Variants in KRABD3 observed in about 807,000 individuals in gnomAD.
KRABD3 encodes the protein KRAB domain-containing protein 3.
chr7:149,719,853 C>T, the KRABD3 span, among the ~76,000 whole-genome samples: 1 of 152,064 alleles, frequency 6.6e-6, no homozygotes. The surrounding 1 kb of genome is among the most constrained non-coding windows in gnomAD (Gnocchi z 5.6). Flanking sequence ...TGGGGGTATG[C>T]GGCGGCCTCT....
At chr7:149,733,961 A>T in the KRABD3 span, 1 of 1,605,024 alleles carries the variant, frequency 6.2e-7, no homozygotes, top group Non-Finnish European at 8.5e-7. Context: ...CAAGGAGCCG[A>T]GCAGCCTGCT....
chr7:149,728,726 G>T, the KRABD3 span: 4 of 1,579,274 alleles, frequency 2.5e-6, no homozygotes, highest in South Asian at 3.4e-5. Flanking sequence ...CTCTGAGGAT[G>T]CCCTAGGCGC....
the KRABD3 span, chr7:149,722,400 C>T: frequency 2.2e-5 from 35 of 1,591,940 alleles, no homozygotes; most frequent in Non-Finnish European, 2.8e-5. Flanking sequence ...TAGAAAGGCC[C>T]TCTTGTCTTC....
At chr7:149,717,827 A>G in the KRABD3 span, among the ~76,000 whole-genome samples, 2 of 152,016 alleles carry the variant, frequency 1.3e-5, no homozygotes, top group African/African-American at 4.8e-5. Context: ...TGGCAGGGAC[A>G]GTTTTTTGTT....
At chr7:149,733,710 C>T in the KRABD3 span, 1 of 1,581,950 alleles carries the variant, frequency 6.3e-7, no homozygotes, top group Admixed American at 1.8e-5. Context: ...CCAGACGCTC[C>T]CCCGGCAGAA....
At chr7:149,722,567 T>C in the KRABD3 span, 17 of 1,398,562 alleles carry the variant, frequency 1.2e-5, no homozygotes, top group Admixed American at 3.2e-4. Flanking sequence ...AGAGGCGGGC[T>C]TTCCTTAGTG....
chr7:149,733,221 G>A, the KRABD3 span: 26 of 1,604,956 alleles, frequency 1.6e-5, no homozygotes, highest in African/African-American at 2.3e-4. Context: ...ACCCATGAGA[G>A]GCTGCTCCCC....
chr7:149,733,255 T>C, the KRABD3 span: 1 of 1,611,944 alleles, frequency 6.2e-7, no homozygotes, highest in Non-Finnish European at 8.5e-7. Context: ...AGCTGCCCAG[T>C]GAGTCTCCCC....
At chr7:149,724,576 C>G in the KRABD3 span, 1 of 1,142,546 alleles carries the variant, frequency 8.8e-7, no homozygotes, top group Non-Finnish European at 1.2e-6. Context: ...CCCTCCTAAC[C>G]CTATAAAGGC....
the KRABD3 span, chr7:149,720,727 C>T: frequency 8.6e-7 from 1 of 1,166,012 alleles, no homozygotes; most frequent in Non-Finnish European, 1.2e-6. Context: ...GGCTGCTCCT[C>T]ATGTGGCTGG....
chr7:149,730,226 C>T, the KRABD3 span: 145 of 1,569,824 alleles, frequency 9.2e-5, 3 homozygotes, highest in South Asian at 1.1e-3. Flanking sequence ...CCTTGCGCTT[C>T]GCCTGCGTGG....
At chr7:149,723,985 G>A in the KRABD3 span, 30 of 1,357,526 alleles carry the variant, frequency 2.2e-5, no homozygotes, top group Non-Finnish European at 3.0e-5. Flanking sequence ...AAACACTCAG[G>A]CCCCCATATT....
the KRABD3 span, chr7:149,730,042 G>T: frequency 7.1e-7 from 1 of 1,399,326 alleles, no homozygotes. Context: ...CATGCTGATC[G>T]TGGGCTGAGC....
the KRABD3 span, chr7:149,719,731 C>A: frequency 6.4e-7 from 1 of 1,552,564 alleles, no homozygotes; most frequent in Non-Finnish European, 8.7e-7. This position sits in a 1 kb window ranked among gnomAD's most constrained non-coding sequence, Gnocchi z 5.6. Context: ...GGAAGGGAGG[C>A]CGGAGTCCCT....
At chr7:149,729,180 T>C in the KRABD3 span, 3 of 1,479,708 alleles carry the variant, frequency 2.0e-6, no homozygotes, top group Non-Finnish European at 2.7e-6. Flanking sequence ...GATTTCTCAT[T>C]AAAACAGGAC....
chr7:149,727,927 C>A, the KRABD3 span, among the ~76,000 whole-genome samples: 12 of 152,318 alleles, frequency 7.9e-5, no homozygotes, highest in African/African-American at 2.6e-4. Context: ...TGCCTGGGCC[C>A]AGAGTCGTCA....
At chr7:149,718,825 T>C in the KRABD3 span, among the ~76,000 whole-genome samples, 1 of 152,168 alleles carries the variant, frequency 6.6e-6, no homozygotes, top group Non-Finnish European at 1.5e-5. Context: ...GAAGGATTAT[T>C]TTGTAAAGAA....
chr7:149,717,489 A>G, the KRABD3 span, among the ~76,000 whole-genome samples: 2 of 152,062 alleles, frequency 1.3e-5, no homozygotes, highest in Non-Finnish European at 2.9e-5. Context: ...AATGTAAATA[A>G]CTCTTTGAGA....
At chr7:149,734,017 G>A in the KRABD3 span, 1 of 1,609,128 alleles carries the variant, frequency 6.2e-7, no homozygotes, top group Non-Finnish European at 8.5e-7. Flanking sequence ...GGGGTGGGGA[G>A]CACAGGGACC....
Sources: allele counts gnomAD v4.1 joint callset (sites outside exome capture counted in the v4.1 genomes callset), GRCh38; gene constraint gnomAD v4.1.1; non-coding constraint Gnocchi (gnomAD v3.1); transcripts MANE v1.5; gene names NCBI Gene and HGNC (gene_info 2026-07-23, HGNC 2026-07-21).